Variants in ROS1 observed in about 807,000 individuals in gnomAD.
The protein encoded by ROS1 is ROS proto-oncogene 1, receptor tyrosine kinase.
In ROS1, 263 loss-of-function variants were observed where a neutral mutation model predicts 273.5. That is an observed-to-expected ratio of 0.96 (90% CI 0.87 to 1.06). The LOEUF (loss-of-function observed/expected upper bound fraction) is 1.06, where lower values mean the gene tolerates loss of function less well. Ranked by LOEUF, ROS1 falls within the 50% of genes least tolerant of loss-of-function variation. ROS1 has a pLI of 0.00. For synonymous variants in ROS1, 1,008 were observed against 954.1 expected, an observed-to-expected ratio of 1.06 and a Z score of -1.04; for missense variants, 2,833 against 2,751.1, an observed-to-expected ratio of 1.03 and a Z score of -0.67.
chr6:117,406,601 G>T (rs1204555009), intron 5 of ROS1, among the ~76,000 whole-genome samples: 2 of 152,112 alleles, frequency 1.3e-5, no homozygotes, highest in African/African-American at 4.8e-5. Flanking sequence ...TATAATAAAG[G>T]AATGTAAATA....
chr6:117,345,463 G>A (rs971163632), intron 27 of ROS1, among the ~76,000 whole-genome samples: 1 of 152,314 alleles, frequency 6.6e-6, no homozygotes, highest in East Asian at 1.9e-4. Context: ...TCTAGCACTA[G>A]AATGTAACTA....
chr6:117,338,068 T>A (rs894474141), intron 31 of ROS1, among the ~76,000 whole-genome samples: 1 of 152,100 alleles, frequency 6.6e-6, no homozygotes, highest in African/African-American at 2.4e-5. Flanking sequence ...TATATTTGGA[T>A]CCTTAGTATC....
chr6:117,302,297 C>A (rs1389579534), intron 42 of ROS1, among the ~76,000 whole-genome samples: 1 of 152,100 alleles, frequency 6.6e-6, no homozygotes, highest in African/African-American at 2.4e-5. Flanking sequence ...TTCAGGCCAT[C>A]CCCACTCCCT....
At chr6:117,382,092 G>C (rs979331219) in intron 17 of ROS1, among the ~76,000 whole-genome samples, 1 of 151,992 alleles carries the variant, frequency 6.6e-6, no homozygotes, top group Non-Finnish European at 1.5e-5. Context: ...TTATCAATAT[G>C]TTTTTACAAA....
chr6:117,356,780 A>G lies in ROS1; in HGVS notation c.3975T>C (p.Asn1325=). ...CTCCACTTAACTCAAATTCAGTCAC[A>G]TTACAAGAACATTGATTCCTTTTGT... ...QQNKRNQCSC[N]VTEFELSGAM... The change falls in exon 26 of 44, where the codon AAT becomes AAC. Residue 1325 remains asparagine (N), a synonymous_variant. Coordinates refer to ENST00000368507, the MANE Select transcript of ROS1 (RefSeq NM_001378902.1). The G allele has an allele frequency of 3.1e-6, 5 of 1,614,196 alleles. 1 individual carries two copies. In the East Asian group the frequency reaches 6.7e-5, roughly 22 times the overall value.
intron 28 of ROS1, among the ~76,000 whole-genome samples, 165 bp downstream of exon 28, chr6:117,343,895 G>C (rs1435987360): frequency 6.6e-6 from 1 of 152,138 alleles, no homozygotes; most frequent in Non-Finnish European, 1.5e-5. Context: ...CTTACTCCCA[G>C]TCAAGAAAAC....
At chr6:117,328,896 T>C (rs2128591401) in intron 33 of ROS1, 1 of 611,924 alleles carries the variant, frequency 1.6e-6, no homozygotes, top group Admixed American at 1.9e-5. Context: ...TTTCAGAACC[T>C]GACCTAATTT....
chr6:117,368,674 T>C, intron 18 of ROS1, among the ~76,000 whole-genome samples: 1 of 152,184 alleles, frequency 6.6e-6, no homozygotes, highest in East Asian at 1.9e-4. Flanking sequence ...ATTTGATTCA[T>C]ATATTATGAA....
At chr6:117,423,991 G>C (rs182393280) in intron 1 of ROS1, among the ~76,000 whole-genome samples, 76 of 152,114 alleles carry the variant, frequency 5.0e-4, no homozygotes, top group Admixed American at 8.5e-4. Flanking sequence ...TCTGTAGGTG[G>C]TGAACGGAAG....
At chr6:117,390,214 C>T (rs1044313471) in intron 12 of ROS1, among the ~76,000 whole-genome samples, 9 of 152,104 alleles carry the variant, frequency 5.9e-5, no homozygotes, top group African/African-American at 2.2e-4. Context: ...GCAGCCTCAA[C>T]CTCCTGGGTT....
intron 17 of ROS1, among the ~76,000 whole-genome samples, chr6:117,379,473 C>A (rs1011642910): frequency 1.3e-5 from 2 of 152,062 alleles, no homozygotes; most frequent in Non-Finnish European, 2.9e-5. Flanking sequence ...AAGCTTGGAA[C>A]AAATATAAAT....
chr6:117,388,508 G>C (rs1365560095), intron 13 of ROS1, among the ~76,000 whole-genome samples: 1 of 152,160 alleles, frequency 6.6e-6, no homozygotes, highest in African/African-American at 2.4e-5. Flanking sequence ...CTATCGTCTA[G>C]GGGATCAGGG....
Position 117,288,488 on chromosome 6 carries a change from G to A in ROS1, c.*4C>T, listed in dbSNP as rs775318688. On this transcript the variant is annotated 3_prime_UTR_variant, in exon 44 of 44. Transcript: ENST00000368507. ...CTCAACTCTCTATTTCCCAAACAAC[G>A]CTATTAATCAGACCCATCTCCATAT... The A allele has an allele frequency of 1.8e-5, 28 of 1,598,282 alleles. No homozygotes were observed. The highest frequency in any genetic ancestry group is 1.4e-4 in the African/African-American group (10 of 73,944).
At chr6:117,340,542 A>G (rs1378696506) in intron 31 of ROS1, among the ~76,000 whole-genome samples, 1 of 152,194 alleles carries the variant, frequency 6.6e-6, no homozygotes, top group East Asian at 1.9e-4. Context: ...TGAGTTTATC[A>G]CCATAAAAGT....
In ROS1 at chr6:117,362,618, G is replaced by C. The variant is rs755237907; in HGVS notation, c.3351C>G (p.Cys1117Trp). 4 of 1,612,632 alleles carry C rather than the reference G, an allele frequency of 2.5e-6. No homozygotes were observed. The highest frequency in any genetic ancestry group is 3.4e-6 in the Non-Finnish European group (4 of 1,179,446). ...SFQLEGMSPR[C>W]FIAFQVRAFT... ...TCTCTCATACCTGGAAGGCAATAAA[G>C]CATCTGGGACTCATGCCTTCAAGTT... The change falls in exon 22 of 44, where the codon TGC becomes TGG. Residue 1117 changes from cysteine to tryptophan, a missense_variant. Physicochemically the swap from Cys to Trp is radical, Grantham distance 215. Coordinates refer to ENST00000368507, the MANE Select transcript of ROS1 (RefSeq NM_001378902.1).
At chr6:117,353,271 A>C (rs1366614676) in intron 26 of ROS1, 105 bp from the exon 27 acceptor site, 1 of 759,288 alleles carries the variant, frequency 1.3e-6, no homozygotes, top group Non-Finnish European at 2.0e-6. Context: ...CTAAATTTTG[A>C]ATCTATTATT....
At chr6:117,329,502 A>T (rs981341247) in intron 32 of ROS1, 56 bp from the exon 33 acceptor site, 1 of 832,222 alleles carries the variant, frequency 1.2e-6, no homozygotes, top group Non-Finnish European at 2.0e-6. Context: ...AATCTTCTGC[A>T]CTGAAATCTT....
At chr6:117,397,160 G>T in intron 7 of ROS1, 44 bp from the exon 8 acceptor site, 3 of 1,254,800 alleles carry the variant, frequency 2.4e-6, no homozygotes, top group South Asian at 1.3e-5. Flanking sequence ...AAATGTGCAA[G>T]CATGATGTTT....
chr6:117,394,110 G>T, intron 11 of ROS1, 52 bp downstream of exon 11: 1 of 1,164,680 alleles, frequency 8.6e-7, no homozygotes, highest in Non-Finnish European at 1.2e-6. Flanking sequence ...ACCAAGATAT[G>T]CATATCAGTA....
Sources: gnomAD v4.1 joint callset for allele counts (sites outside exome capture counted in the v4.1 genomes callset) on GRCh38, gnomAD v4.1.1 for gene constraint, MANE v1.5 for transcripts, NCBI Gene and HGNC (gene_info 2026-07-23, HGNC 2026-07-21) for gene names.